PCYT1A: variants seen among roughly 807,000 people sequenced by gnomAD.
PCYT1A encodes the protein phosphate cytidylyltransferase 1A, choline.
A neutral mutation model predicts 43.7 loss-of-function variants in PCYT1A; 25 were observed. The observed-to-expected ratio is 0.57, with a 90% CI of 0.42 to 0.80. PCYT1A has a LOEUF of 0.80. PCYT1A is among the 30% of genes least tolerant of loss of function. PCYT1A has a pLI of 0.00. For missense variants in PCYT1A, 421 were observed against 474.2 expected (o/e 0.89, Z 1.04); for synonymous variants, 172 against 170.7 (o/e 1.01, Z -0.06).
chr3:196,244,987 A>G (rs1385994923), intron 5 of PCYT1A, among the ~76,000 whole-genome samples: 1 of 152,212 alleles, frequency 6.6e-6, no homozygotes, highest in Non-Finnish European at 1.5e-5. Context: ...TAGGAAAACC[A>G]GAGACCTTTG....
chr3:196,249,393 C>T (rs1376317073), intron 3 of PCYT1A, among the ~76,000 whole-genome samples: 1 of 151,054 alleles, frequency 6.6e-6, no homozygotes, highest in Non-Finnish European at 1.5e-5. Flanking sequence ...CCACCTTGGC[C>T]TCCCAAAATG....
intron 1 of PCYT1A, among the ~76,000 whole-genome samples, chr3:196,276,959 G>C (rs1325992667): frequency 6.6e-6 from 1 of 151,318 alleles, no homozygotes; most frequent in Non-Finnish European, 1.5e-5. Flanking sequence ...GCCACATGCA[G>C]TGGTTCATGC....
At position 196,268,975 on chromosome 3, in the gene PCYT1A, C is replaced by T. The variant is rs1225255628; in HGVS notation, c.117+1440G>A. 5.9e-5 allele frequency among the ~76,000 whole-genome samples: 9 copies of T among 152,242 alleles called. No homozygotes were observed. The highest frequency in any genetic ancestry group is 1.4e-4 in the African/African-American group (6 of 41,548). On this transcript the variant is annotated intron_variant, in intron 2 of 8. Coordinates refer to ENST00000431016, the MANE Select transcript of PCYT1A (RefSeq NM_001312673.2). This position sits in a 1 kb window ranked among gnomAD's most constrained non-coding sequence, Gnocchi z 4.4. The stretch of plus-strand genomic sequence containing the variant: ...GAGCAGGAGACATGGCAGAAGCAAT[C>T]GTCAGAGTGATGTGAGCACTGGCTG...
chr3:196,239,036 T>C, intron 8 of PCYT1A, 142 bp from the exon 9 acceptor site: 1 of 448,190 alleles, frequency 2.2e-6, no homozygotes, highest in Non-Finnish European at 3.8e-6. Flanking sequence ...AAATTCCCCA[T>C]TCTTCCTCAA....
rs553834755 is a variant in PCYT1A at position 196,277,004 on chromosome 3, C to A, written c.-10-6463G>T. Among the ~76,000 whole-genome samples the A allele has an allele frequency of 1.3e-5, 2 of 151,358 alleles. No homozygotes were observed. The highest frequency in any genetic ancestry group is 6.6e-5 in the Admixed American group (1 of 15,192). ...TGGCACTTTGAGAGGCCAAGGCAGG[C>A]GAATCACCTGAGGTCTGGAGTTCAA... On this transcript the variant is annotated intron_variant, in intron 1 of 8. Transcript: ENST00000431016. The surrounding 1 kb of genome is among the most constrained non-coding windows in gnomAD (Gnocchi z 4.1).
At chr3:196,264,120 C>T (rs948971288) in intron 2 of PCYT1A, among the ~76,000 whole-genome samples, 3 of 151,504 alleles carry the variant, frequency 2.0e-5, no homozygotes, top group African/African-American at 7.3e-5. Flanking sequence ...CCTGGTATTT[C>T]TTATCTCAAT....
chr3:196,280,570 G>GTTTTTTTTTTTTTT lies in PCYT1A; in HGVS notation c.-11+7031_-11+7044dup. On this transcript the variant is annotated intron_variant, in intron 1 of 8. Transcript: ENST00000431016. Reference sequence around the variant, plus strand: ...TTATTGTTGTATTGGTATTTTTATTGTTTTTTTTTTTTTTTTTTTCTGAAT... The same window carrying GTTTTTTTTTTTTTT: ...TTATTGTTGTATTGGTATTTTTATTGTTTTTTTTTTTTTTTTTTTTTTTTTTTTTTTTTCTGAAT... Among the ~76,000 whole-genome samples the GTTTTTTTTTTTTTT allele has an allele frequency of 5.2e-3, 471 of 91,214 alleles. 3 individuals are homozygous for GTTTTTTTTTTTTTT. The highest frequency in any genetic ancestry group is 0.017 in the Middle Eastern group (2 of 120). 59.8% of individuals were successfully genotyped at this position (91,214 alleles called of 152,430 possible). A position where few individuals can be genotyped will look rare whatever the true frequency, so the allele number is the denominator to read the frequency against.
intron 1 of PCYT1A, chr3:196,283,363 A>G (rs1239958645): frequency 6.6e-6 from 1 of 152,116 alleles, no homozygotes; most frequent in Non-Finnish European, 1.5e-5. Flanking sequence ...AAAGGAGGGA[A>G]AAGACACACA....
intron 2 of PCYT1A, among the ~76,000 whole-genome samples, chr3:196,266,678 T>A (rs1030556551): frequency 2.0e-5 from 3 of 151,276 alleles, no homozygotes; most frequent in East Asian, 3.9e-4. Flanking sequence ...TCACTTGAGG[T>A]CAGAAGTTTG....
At chr3:196,250,792 G>A (rs563315642) in intron 3 of PCYT1A, 1 of 168,352 alleles carries the variant, frequency 5.9e-6, no homozygotes, top group Admixed American at 6.5e-5. Context: ...GATACACTAT[G>A]CTGAGGATCA....
chr3:196,277,764 G>A lies in PCYT1A; in HGVS notation c.-10-7223C>T, dbSNP rs958762017. 2.0e-5 allele frequency among the ~76,000 whole-genome samples: 3 copies of A among 152,156 alleles called. No individual in the cohort carries two copies. Among genetic ancestry groups the A allele is most frequent in the Non-Finnish European group, 4.4e-5 (3 of 68,030 alleles). On this transcript the variant is annotated intron_variant, in intron 1 of 8. Coordinates refer to ENST00000431016, the MANE Select transcript of PCYT1A (RefSeq NM_001312673.2). This position sits in a 1 kb window ranked among gnomAD's most constrained non-coding sequence, Gnocchi z 4.1. ...CATGCACCTGTAATCCCAGCTACTT[G>A]GGAGGCTAAGGCAGGAGGATCACTT...
At chr3:196,240,310 G>A (rs374870520) in intron 7 of PCYT1A, among the ~76,000 whole-genome samples, 53 of 152,182 alleles carry the variant, frequency 3.5e-4, no homozygotes, top group African/African-American at 1.0e-3. Context: ...GATGATACTC[G>A]TTGGTCTTAC....
intron 1 of PCYT1A, among the ~76,000 whole-genome samples, chr3:196,274,456 G>A (rs534863706): frequency 2.0e-5 from 3 of 152,314 alleles, no homozygotes; most frequent in Non-Finnish European, 2.9e-5. Flanking sequence ...GGATAGTTGC[G>A]TTTTTCTTAA....
At position 196,273,740 on chromosome 3, in the gene PCYT1A, G is replaced by A. The variant is rs1725506870; in HGVS notation, c.-10-3199C>T. On this transcript the variant is annotated intron_variant, in intron 1 of 8. Coordinates refer to ENST00000431016, the MANE Select transcript of PCYT1A (RefSeq NM_001312673.2). The surrounding 1 kb of genome is among the most constrained non-coding windows in gnomAD (Gnocchi z 4.1). ...GGGCTTCAGCGGGCAGGAAGTGCATGCTGATTGGTCCATGGGCAGCCACAG... is the reference window on the plus strand; with the variant it reads ...GGGCTTCAGCGGGCAGGAAGTGCATACTGATTGGTCCATGGGCAGCCACAG... 6.6e-6 allele frequency among the ~76,000 whole-genome samples: 1 copy of A among 152,204 alleles called. No individual in the cohort carries two copies. Among genetic ancestry groups the A allele is most frequent in the African/African-American group, 2.4e-5 (1 of 41,456 alleles).
chr3:196,247,219 A>G lies in PCYT1A; in HGVS notation c.486+148T>C. The stretch of plus-strand genomic sequence containing the variant: ...ATAAACGTCAGGGGTGACTGTTATC[A>G]CTAGTAATATCACTGTCATCTCCTA... On this transcript the variant is annotated intron_variant, in intron 5 of 8. Transcript: ENST00000431016. The surrounding 1 kb of genome is among the most constrained non-coding windows in gnomAD (Gnocchi z 4.8). The G allele has an allele frequency of 2.5e-6, 2 of 791,028 alleles. No individual in the cohort carries two copies. Among genetic ancestry groups the G allele is most frequent in the South Asian group, 1.6e-5 (1 of 61,360 alleles). 49.0% of individuals were successfully genotyped at this position (791,028 alleles called of 1,614,324 possible).
In PCYT1A at chr3:196,252,487, C is replaced by A. The variant is rs755258307; in HGVS notation, c.218-4164G>T. 2.0e-5 allele frequency among the ~76,000 whole-genome samples: 3 copies of A among 152,184 alleles called. No homozygotes were observed. Among genetic ancestry groups the A allele is most frequent in the Non-Finnish European group, 4.4e-5 (3 of 68,034 alleles). On this transcript the variant is annotated intron_variant, in intron 3 of 8. Transcript: ENST00000431016. The surrounding 1 kb of genome is among the most constrained non-coding windows in gnomAD (Gnocchi z 4.0). ...ATTTCCTGACCTCAAGTGATCTGCCCGCCTTGGCCTCCCGAAGTTCTGGGA... is the reference window on the plus strand; with the variant it reads ...ATTTCCTGACCTCAAGTGATCTGCCAGCCTTGGCCTCCCGAAGTTCTGGGA...
At chr3:196,260,550 A>G (rs1725078441) in intron 2 of PCYT1A, among the ~76,000 whole-genome samples, 1 of 152,226 alleles carries the variant, frequency 6.6e-6, no homozygotes, top group Admixed American at 6.5e-5. Context: ...ATATTAAGAA[A>G]AAAACAACTA....
chr3:196,238,701 T>A lies in PCYT1A; in HGVS notation c.1091A>T (p.Asp364Val), dbSNP rs1577351866. 6.4e-7 allele frequency: 1 copy of A among 1,554,498 alleles called. No individual in the cohort carries two copies. Among genetic ancestry groups the A allele is most frequent in the Non-Finnish European group, 8.7e-7 (1 of 1,150,634 alleles). ...AGGGAGGAAACATTAGTCTTCTTCA[T>A]CCTCACTGATATCATAGGCTGCAGC... is the stretch of plus-strand genomic sequence containing the variant. ...HKAAAYDISE[D>V]EED The change falls in exon 9 of 9, where the codon GAT (aspartate) becomes GTT (valine). Residue 364 changes from aspartate (D) to valine (V), a missense_variant. Physicochemically the swap from Asp to Val is radical, Grantham distance 152. This residue lies in a region of PCYT1A where 108 missense variants were observed against 85.7 expected (regional missense o/e 1.26). Coordinates refer to ENST00000431016, the MANE Select transcript of PCYT1A (RefSeq NM_001312673.2).
At chr3:196,279,717 A>G (rs1725697702) in intron 1 of PCYT1A, among the ~76,000 whole-genome samples, 1 of 151,914 alleles carries the variant, frequency 6.6e-6, no homozygotes. Flanking sequence ...TATTTTTCCA[A>G]TGTGAATGTC....
Sources: gnomAD v4.1 joint callset for allele counts (sites outside exome capture counted in the v4.1 genomes callset) on GRCh38, gnomAD v4.1.1 for gene constraint, gnomAD v4.1.1 regional missense constraint, Gnocchi (gnomAD v3.1) non-coding constraint, MANE v1.5 for transcripts, NCBI Gene and HGNC (gene_info 2026-07-23, HGNC 2026-07-21) for gene names.